Variants in CDK17 observed in about 807,000 individuals in gnomAD.
The protein encoded by CDK17 is cyclin dependent kinase 17, also known as cyclin-dependent kinase 17.
Under a neutral mutation model 77.6 loss-of-function variants are expected in CDK17, and 24 were observed. That is an observed-to-expected ratio of 0.31 (90% CI 0.22 to 0.44). The LOEUF is 0.44. CDK17 is among the 20% of genes least tolerant of loss of function. The pLI is 1.00. For synonymous variants in CDK17, 203 were observed against 210.4 expected (o/e 0.96, Z 0.30); for missense variants, 429 against 622.5 (o/e 0.69, Z 3.31).
chr12:96,390,850 C>T (rs1362344872), intron 1 of CDK17, among the ~76,000 whole-genome samples: 1 of 151,688 alleles, frequency 6.6e-6, no homozygotes, highest in African/African-American at 2.4e-5. Flanking sequence ...AACCTGTAAT[C>T]CCAACACTTT....
chr12:96,284,817 G>A (rs12824718), intron 13 of CDK17, among the ~76,000 whole-genome samples: 4,793 of 152,096 alleles, frequency 0.032, 113 homozygotes, highest in South Asian at 0.052. Context: ...GCCTGCCTTG[G>A]CCCCCCTAAA....
chr12:96,377,851 G>A (rs148539115), intron 1 of CDK17, among the ~76,000 whole-genome samples: 6,431 of 151,998 alleles, frequency 0.042, 191 homozygotes, highest in East Asian at 0.12. Context: ...CCGCCACTAC[G>A]CCCAGCTAAT....
chr12:96,393,224 CA>C (rs1261759577), intron 1 of CDK17, among the ~76,000 whole-genome samples: 1 of 151,672 alleles, frequency 6.6e-6, no homozygotes, highest in Admixed American at 6.6e-5. Flanking sequence ...ATTAGCAGGG[CA>C]TAGTGGCAGA....
chr12:96,363,541 T>C (rs1220773484), intron 1 of CDK17, among the ~76,000 whole-genome samples: 1 of 151,498 alleles, frequency 6.6e-6, no homozygotes, highest in Non-Finnish European at 1.5e-5. Flanking sequence ...CAAGAGATTG[T>C]GACTTTAAAA....
At chr12:96,377,945 G>T (rs1471874221) in intron 1 of CDK17, among the ~76,000 whole-genome samples, 3 of 152,072 alleles carry the variant, frequency 2.0e-5, no homozygotes, top group Non-Finnish European at 4.4e-5. Flanking sequence ...CGCCCACCTT[G>T]GCCTCCCAAA....
At chr12:96,340,060 A>G (rs1953101720) in intron 1 of CDK17, among the ~76,000 whole-genome samples, 1 of 152,030 alleles carries the variant, frequency 6.6e-6, no homozygotes. Flanking sequence ...AAAATTACAT[A>G]TGGGGTGCAC....
intron 1 of CDK17, among the ~76,000 whole-genome samples, chr12:96,373,968 A>G (rs568602100): frequency 6.6e-6 from 1 of 152,092 alleles, no homozygotes; most frequent in Admixed American, 6.6e-5. Flanking sequence ...AAAAACAATT[A>G]CTCCAAAAGG....
intron 2 of CDK17, among the ~76,000 whole-genome samples, chr12:96,327,335 AAGG>A (rs1277759665): frequency 2.0e-5 from 3 of 152,082 alleles, no homozygotes; most frequent in Non-Finnish European, 2.9e-5. Flanking sequence ...TCAACAGCAA[AAGG>A]AGGAGATTAC....
At position 96,328,068 on chromosome 12, in the gene CDK17, T is replaced by C. The variant is rs149264459; in HGVS notation, c.119-3956A>G. ...CATCTGTATTTACAGCCACTCCCCATTGCTCACATTACTGCTTGAGCTCCA... is the reference window on the plus strand; with the variant it reads ...CATCTGTATTTACAGCCACTCCCCACTGCTCACATTACTGCTTGAGCTCCA... On this transcript the variant is annotated intron_variant, in intron 2 of 16. Transcript: ENST00000261211. 2.0e-3 allele frequency among the ~76,000 whole-genome samples: 308 copies of C among 152,194 alleles called. 3 individuals carry two copies. Among genetic ancestry groups the C allele is most frequent in the Non-Finnish European group, 9.7e-4 (66 of 68,006 alleles).
intron 1 of CDK17, among the ~76,000 whole-genome samples, chr12:96,353,081 T>C (rs1326840463): frequency 1.3e-5 from 2 of 152,210 alleles, no homozygotes; most frequent in African/African-American, 2.4e-5. Context: ...CATATACTAA[T>C]AAGTATTACT....
At chr12:96,365,459 T>C (rs1448835693) in intron 1 of CDK17, among the ~76,000 whole-genome samples, 1 of 152,156 alleles carries the variant, frequency 6.6e-6, no homozygotes, top group Admixed American at 6.6e-5. Context: ...GCAAATCCTG[T>C]GTGTTCCTTC....
intron 1 of CDK17, among the ~76,000 whole-genome samples, chr12:96,351,131 A>T (rs1325642801): frequency 1.3e-5 from 2 of 152,198 alleles, no homozygotes; most frequent in Non-Finnish European, 2.9e-5. Flanking sequence ...AACCACTATG[A>T]GATACCACCT....
intron 1 of CDK17, among the ~76,000 whole-genome samples, chr12:96,395,236 T>C (rs969871210): frequency 1.3e-5 from 2 of 152,266 alleles, no homozygotes; most frequent in African/African-American, 4.8e-5. Flanking sequence ...CAACATGTCC[T>C]ACCTTACATA....
intron 2 of CDK17, among the ~76,000 whole-genome samples, chr12:96,331,914 T>C (rs1356140020): frequency 6.6e-6 from 1 of 152,232 alleles, no homozygotes; most frequent in Admixed American, 6.5e-5. Context: ...AGGGAAATTA[T>C]AAACTACTGT....
intron 11 of CDK17, 43 bp from the exon 12 acceptor site, chr12:96,286,804 T>C (rs188025684): frequency 1.3e-6 from 2 of 1,482,250 alleles, no homozygotes; most frequent in East Asian, 4.5e-5. Context: ...TTCATTTACA[T>C]ATTATGAAGC....
chr12:96,315,298 G>T (rs1952695924), intron 3 of CDK17, among the ~76,000 whole-genome samples: 1 of 152,112 alleles, frequency 6.6e-6, no homozygotes. Context: ...CTTTATGTCT[G>T]TATTTTTGTC....
At chr12:96,292,451 C>T (rs1324428414) in intron 10 of CDK17, among the ~76,000 whole-genome samples, 5 of 151,930 alleles carry the variant, frequency 3.3e-5, no homozygotes, top group Non-Finnish European at 7.4e-5. Context: ...ACTAAAAATA[C>T]AAAAATTAGC....
chr12:96,381,771 T>G (rs1005691747), intron 1 of CDK17, among the ~76,000 whole-genome samples: 7 of 151,724 alleles, frequency 4.6e-5, no homozygotes, highest in Non-Finnish European at 8.8e-5. Context: ...CTTATCTAGT[T>G]TTTTTTATTA....
At chr12:96,391,269 G>A (rs1024350525) in intron 1 of CDK17, among the ~76,000 whole-genome samples, 1 of 149,734 alleles carries the variant, frequency 6.7e-6, no homozygotes, top group African/African-American at 2.5e-5. Flanking sequence ...TGGGGCGGGG[G>A]GTTGTTTTGT....
Sources: allele counts gnomAD v4.1 joint callset (sites outside exome capture counted in the v4.1 genomes callset), GRCh38; gene constraint gnomAD v4.1.1; transcripts MANE v1.5; gene names NCBI Gene and HGNC (gene_info 2026-07-23, HGNC 2026-07-21).